ROCK1: variants seen among roughly 807,000 people sequenced by gnomAD.
ROCK1 encodes Rho associated coiled-coil containing protein kinase 1, also known as rho-associated protein kinase 1.
A neutral mutation model predicts 196.8 loss-of-function variants in ROCK1; 36 were observed. The ratio of observed to expected loss-of-function variants is 0.18; its 90% CI spans 0.14 to 0.24. ROCK1 has a LOEUF of 0.24. Among genes scored for constraint, ROCK1 ranks in the 10% least tolerant of loss-of-function variants. The probability of loss-of-function intolerance (pLI) is 1.00; values close to 1 mark genes in which losing one functional copy is unlikely to be tolerated. For missense variants in ROCK1, 920 were observed against 1,562.0 expected, an observed-to-expected ratio of 0.59 and a Z score of 6.93; for synonymous variants, 443 against 515.9, an observed-to-expected ratio of 0.86 and a Z score of 1.91.
intron 21 of ROCK1, among the ~76,000 whole-genome samples, chr18:20,981,686 A>T (rs1255334359): frequency 6.6e-6 from 1 of 152,202 alleles, no homozygotes; most frequent in Admixed American, 6.5e-5. Context: ...TACTTTTAAC[A>T]CTTATTTATT....
At chr18:20,965,825 C>A (rs1382047507) in intron 27 of ROCK1, among the ~76,000 whole-genome samples, 1 of 152,138 alleles carries the variant, frequency 6.6e-6, no homozygotes, top group Non-Finnish European at 1.5e-5. Flanking sequence ...TTCCCAGATA[C>A]CTGATTTTGA....
chr18:20,993,133 C>T (rs2143411305), intron 16 of ROCK1, among the ~76,000 whole-genome samples, 196 bp from the exon 17 acceptor site: 1 of 152,248 alleles, frequency 6.6e-6, no homozygotes, highest in African/African-American at 2.4e-5. Flanking sequence ...TAATCTAGTG[C>T]ATATTCCTTA....
chr18:20,952,668 G>A (rs2035201309), intron 32 of ROCK1, among the ~76,000 whole-genome samples: 1 of 151,090 alleles, frequency 6.6e-6, no homozygotes, highest in Non-Finnish European at 1.5e-5. Flanking sequence ...CCCGCTACTT[G>A]GGAGGCTGAG....
chr18:20,961,809 TTC>T (rs1297961503), intron 27 of ROCK1, among the ~76,000 whole-genome samples: 1 of 150,350 alleles, frequency 6.7e-6, no homozygotes, highest in Non-Finnish European at 1.5e-5. Flanking sequence ...CCCAACATTT[TTC>T]TTTTTCCTTT....
intron 1 of ROCK1, among the ~76,000 whole-genome samples, chr18:21,104,685 G>A (rs2036688801): frequency 6.6e-6 from 1 of 152,198 alleles, no homozygotes; most frequent in Non-Finnish European, 1.5e-5. Context: ...TAGTGCAAGA[G>A]GGCCTATTTA....
chr18:21,005,854 G>A (rs1464208768), intron 16 of ROCK1, among the ~76,000 whole-genome samples: 1 of 152,098 alleles, frequency 6.6e-6, no homozygotes, highest in Admixed American at 6.5e-5. Flanking sequence ...TCCAGCCTGT[G>A]CAACAGAGCA....
chr18:21,028,349 G>A (rs755733736), intron 10 of ROCK1, among the ~76,000 whole-genome samples: 2 of 151,850 alleles, frequency 1.3e-5, no homozygotes, highest in East Asian at 2.0e-4. Context: ...CCAGGAGGTG[G>A]AGGTTGCAGT....
In ROCK1 at chr18:20,967,776, C is replaced by G; in HGVS notation, c.3168G>C (p.Gln1056His). 1.9e-6 allele frequency: 3 copies of G among 1,601,234 alleles called. No homozygotes were observed. The highest frequency in any genetic ancestry group is 2.6e-6 in the Non-Finnish European group (3 of 1,176,296). The change falls in exon 26 of 33, where the codon CAG (glutamine) becomes CAC (histidine). Residue 1056 changes from glutamine (Q) to histidine (H), a missense_variant. Coordinates refer to ENST00000399799, the MANE Select transcript of ROCK1 (RefSeq NM_005406.3). ...CCGCTTGCATGTCATTCAGTTCCTT[C>G]TGATGTTTCACTACCATCTGGTTGA... ...EKFNQMVVKH[Q>H]KELNDMQAQL...
In ROCK1 at chr18:21,031,474, G is replaced by A. The variant is rs541588037; in HGVS notation, c.1052-2539C>T. The stretch of plus-strand genomic sequence containing the variant: ...CAAAAAATAAGCCAGGTGTGGTGGC[G>A]GGCACCTGTAGTCCCAGCTACTTGG... On this transcript the variant is annotated intron_variant, in intron 9 of 32. Coordinates refer to ENST00000399799, the MANE Select transcript of ROCK1 (RefSeq NM_005406.3). Among the ~76,000 whole-genome samples the A allele has an allele frequency of 1.9e-4, 29 of 151,662 alleles. No homozygotes were observed. In the South Asian group the frequency reaches 4.6e-3, roughly 24 times the overall value.
At chr18:20,969,249 C>T in intron 23 of ROCK1, 41 bp from the exon 24 acceptor site, 3 of 1,248,740 alleles carry the variant, frequency 2.4e-6, no homozygotes, top group Non-Finnish European at 3.5e-6. Context: ...AGCCTCTTTG[C>T]TATTCTCGTA....
intron 22 of ROCK1, among the ~76,000 whole-genome samples, chr18:20,977,416 T>A (rs2035490612): frequency 6.6e-6 from 1 of 152,190 alleles, no homozygotes; most frequent in African/African-American, 2.4e-5. Flanking sequence ...GCCTATATTG[T>A]CCCTTGTTCC....
chr18:21,068,433 C>A (rs1255441465), intron 2 of ROCK1, among the ~76,000 whole-genome samples: 1 of 152,138 alleles, frequency 6.6e-6, no homozygotes, highest in Non-Finnish European at 1.5e-5. Flanking sequence ...TCTTACTTTT[C>A]GAAACTGTTT....
At chr18:21,068,481 C>G (rs2036356071) in intron 2 of ROCK1, among the ~76,000 whole-genome samples, 1 of 152,172 alleles carries the variant, frequency 6.6e-6, no homozygotes, top group Non-Finnish European at 1.5e-5. Flanking sequence ...ATATGAATTA[C>G]AGAATTGCTG....
intron 2 of ROCK1, among the ~76,000 whole-genome samples, chr18:21,067,928 C>A (rs1389490982): frequency 6.6e-6 from 1 of 152,130 alleles, no homozygotes; most frequent in African/African-American, 2.4e-5. Flanking sequence ...CATTCCCTTG[C>A]GTACGGATAT....
chr18:21,079,498 A>G (rs549749286), intron 1 of ROCK1, among the ~76,000 whole-genome samples: 2 of 152,314 alleles, frequency 1.3e-5, no homozygotes, highest in Non-Finnish European at 2.9e-5. Context: ...ACGTCCTGCA[A>G]TGAGAAGGGA....
intron 1 of ROCK1, among the ~76,000 whole-genome samples, chr18:21,100,039 A>G (rs1011241450): frequency 1.3e-5 from 2 of 152,162 alleles, no homozygotes; most frequent in Non-Finnish European, 2.9e-5. Context: ...GTCTCAAAAC[A>G]AAAACAAAAA....
intron 2 of ROCK1, among the ~76,000 whole-genome samples, chr18:21,069,398 A>G (rs2036364787): frequency 6.6e-6 from 1 of 152,090 alleles, no homozygotes; most frequent in Non-Finnish European, 1.5e-5. Context: ...ATTAAAATAA[A>G]TTGTACAGGT....
At chr18:21,044,444 A>C (rs1422424047) in intron 5 of ROCK1, among the ~76,000 whole-genome samples, 1 of 152,212 alleles carries the variant, frequency 6.6e-6, no homozygotes, top group Admixed American at 6.5e-5. Context: ...CATTTGAGAG[A>C]GACAGACCAT....
rs868047440 is a variant in ROCK1 at position 21,027,825 on chromosome 18, G to A, written c.1211+951C>T. On this transcript the variant is annotated intron_variant, in intron 10 of 32. Transcript: ENST00000399799. ...CGCCCAGGCTGGAGTGCAGTGGCGC[G>A]ATCTCGGCTCACTGCAAGCTCCGCC... is the stretch of plus-strand genomic sequence containing the variant. 8.2e-3 allele frequency among the ~76,000 whole-genome samples: 1,087 copies of A among 132,596 alleles called. 18 individuals carry two copies. Among genetic ancestry groups the A allele is most frequent in the African/African-American group, 0.028 (986 of 34,880 alleles). 87.0% of individuals were successfully genotyped at this position (132,596 alleles called of 152,430 possible).
Sources: allele counts gnomAD v4.1 joint callset (sites outside exome capture counted in the v4.1 genomes callset), GRCh38; gene constraint gnomAD v4.1.1; transcripts MANE v1.5; gene names NCBI Gene and HGNC (gene_info 2026-07-23, HGNC 2026-07-21).